Variants in VPS37A observed in about 807,000 individuals in gnomAD.
The protein encoded by VPS37A is VPS37A subunit of ESCRT-I, also known as vacuolar protein sorting-associated protein 37A.
Under a neutral mutation model 49.8 loss-of-function variants are expected in VPS37A, and 30 were observed. That is an observed-to-expected ratio of 0.60 (90% CI 0.45 to 0.82). The LOEUF is 0.82. Among genes scored for constraint, VPS37A ranks in the 40% least tolerant of loss-of-function variants. The pLI, the probability that VPS37A is intolerant of heterozygous loss-of-function variation, is 0.00. For synonymous variants in VPS37A, 195 were observed against 160.6 expected (o/e 1.21, Z -1.62); for missense variants, 593 against 464.4 (o/e 1.28, Z -2.55).
intron 2 of VPS37A, among the ~76,000 whole-genome samples, chr8:17,267,051 G>A (rs962197016): frequency 1.3e-4 from 20 of 152,144 alleles, no homozygotes; most frequent in Non-Finnish European, 2.2e-4. Flanking sequence ...AATTACAGGC[G>A]TATGTGAGCT....
At chr8:17,300,108 G>A, downstream of VPS37A, 1 of 1,614,130 alleles carries the variant, frequency 6.2e-7, no homozygotes, top group Non-Finnish European at 8.5e-7. Flanking sequence ...TGTAATCCTG[G>A]GGAGTGTTGG....
intron 1 of VPS37A, among the ~76,000 whole-genome samples, chr8:17,265,300 C>G (rs141566452): frequency 6.6e-6 from 1 of 152,332 alleles, no homozygotes; most frequent in African/African-American, 2.4e-5. Flanking sequence ...TTTCTCCCTA[C>G]AACTTTCCTG....
the VPS37A span, chr8:17,311,754 T>C: frequency 3.4e-6 from 5 of 1,480,442 alleles, no homozygotes; most frequent in Non-Finnish European, 4.6e-6. Flanking sequence ...ACGAAACACC[T>C]GTCCATTCGT....
chr8:17,265,678 A>T (rs1258490393), intron 1 of VPS37A: 17 of 1,192,440 alleles, frequency 1.4e-5, no homozygotes, highest in Non-Finnish European at 2.0e-5. Context: ...GCCTCTTTAC[A>T]TCATCATCCC....
chr8:17,273,175 GC>G (rs149204976), intron 4 of VPS37A, among the ~76,000 whole-genome samples: 9,221 of 151,652 alleles, frequency 0.061, 382 homozygotes, highest in Non-Finnish European at 0.094. Flanking sequence ...TCTTTAGCAA[GC>G]CTGACAGATA....
intron 1 of VPS37A, chr8:17,247,575 T>G: frequency 1.3e-6 from 1 of 748,146 alleles, no homozygotes; most frequent in Non-Finnish European, 2.3e-6. Flanking sequence ...GCCGCACCAC[T>G]GCTCAGCGCT....
At chr8:17,302,899 C>G (rs180899270), downstream of VPS37A, among the ~76,000 whole-genome samples, 1 of 151,886 alleles carries the variant, frequency 6.6e-6, no homozygotes, top group African/African-American at 2.4e-5. Context: ...TTAGTAGAGA[C>G]AGGGTTTCAC....
chr8:17,304,616 C>G (rs942510419), downstream of VPS37A: 118 of 1,324,866 alleles, frequency 8.9e-5, no homozygotes, highest in Non-Finnish European at 1.2e-4. Context: ...ATAATTGTTA[C>G]CTGAAAACCA....
At chr8:17,300,344 A>ACATCCCTCT, downstream of VPS37A, 1 of 1,134,932 alleles carries the variant, frequency 8.8e-7, no homozygotes, top group Non-Finnish European at 1.2e-6. Flanking sequence ...CATGTGACTC[A>ACATCCCTCT]GAGGGATGTG....
intron 1 of VPS37A, among the ~76,000 whole-genome samples, chr8:17,259,758 G>A (rs1333380136): frequency 4.6e-5 from 7 of 151,962 alleles, no homozygotes; most frequent in Admixed American, 6.6e-5. Context: ...CTCTGGTTTT[G>A]GGTGCATAGA....
At chr8:17,252,388 C>T (rs1329308077) in intron 1 of VPS37A, among the ~76,000 whole-genome samples, 2 of 152,154 alleles carry the variant, frequency 1.3e-5, no homozygotes, top group East Asian at 3.8e-4. Flanking sequence ...GTTGCCCAGG[C>T]TTGTCTCTCA....
the VPS37A span, among the ~76,000 whole-genome samples, chr8:17,307,714 T>C: frequency 2.0e-5 from 3 of 152,128 alleles, no homozygotes; most frequent in Non-Finnish European, 4.4e-5. Flanking sequence ...CCATAAAAAA[T>C]GATGAGTTCA....
At chr8:17,255,760 T>A (rs1812393278) in intron 1 of VPS37A, among the ~76,000 whole-genome samples, 1 of 152,198 alleles carries the variant, frequency 6.6e-6, no homozygotes, top group Non-Finnish European at 1.5e-5. Context: ...TCTTTGTGGA[T>A]CTACTTTTTT....
chr8:17,282,808 A>G (rs1815210880), intron 9 of VPS37A, among the ~76,000 whole-genome samples: 2 of 152,222 alleles, frequency 1.3e-5, no homozygotes, highest in South Asian at 2.1e-4. Flanking sequence ...TTCTCAGTCA[A>G]AATTTTCTGG....
chr8:17,265,871 G>T lies in VPS37A; in HGVS notation c.126-36G>T. 3 of 1,612,450 alleles carry T rather than the reference G, an allele frequency of 1.9e-6. No homozygotes were observed. In the South Asian group the frequency reaches 3.3e-5, roughly 18 times the overall value. ...TGGTTTTTAACAATAATGGTTTCAT[G>T]ACTTTGGGTAAATTTTTTAAAATTT... On this transcript the variant is annotated intron_variant, in intron 1 of 11. Transcript: ENST00000324849.
rs55708927 is a variant in VPS37A at position 17,252,934 on chromosome 8, G to A, written c.125+5565G>A. ...TATATAGTAAACTTTAAAATTATGC[G>A]TATCAATCCTGTAATTAAGTTAAAA... is the stretch of plus-strand genomic sequence containing the variant. On this transcript the variant is annotated intron_variant, in intron 1 of 11. Coordinates refer to ENST00000324849, the MANE Select transcript of VPS37A (RefSeq NM_152415.3). Among the ~76,000 whole-genome samples, 18 of 152,140 alleles carry A rather than the reference G, an allele frequency of 1.2e-4. No individual in the cohort carries two copies. In the East Asian group the frequency reaches 2.1e-3, roughly 18 times the overall value.
At chr8:17,302,179 T>C (rs762165708), downstream of VPS37A, 25 of 1,614,068 alleles carry the variant, frequency 1.5e-5, no homozygotes, top group South Asian at 5.5e-5. Flanking sequence ...TAGTTCTTCC[T>C]CTAGCTGCTG....
chr8:17,302,263 T>C (rs1817166133), downstream of VPS37A: 8 of 1,613,720 alleles, frequency 5.0e-6, no homozygotes, highest in South Asian at 1.1e-5. Context: ...AAAGCGGTTA[T>C]ACATTCCACT....
chr8:17,318,219 G>A, the VPS37A span, among the ~76,000 whole-genome samples: 2 of 152,102 alleles, frequency 1.3e-5, no homozygotes, highest in African/African-American at 4.8e-5. Context: ...CCTTATGCAC[G>A]GAAGCCCCCA....
Sources: gnomAD v4.1 joint callset for allele counts (sites outside exome capture counted in the v4.1 genomes callset) on GRCh38, gnomAD v4.1.1 for gene constraint, MANE v1.5 for transcripts, NCBI Gene and HGNC (gene_info 2026-07-23, HGNC 2026-07-21) for gene names.